Variants in TSR2 observed in about 807,000 individuals in gnomAD.
TSR2 encodes pre-rRNA-processing protein TSR2 homolog.
TSR2 carries 1 observed loss-of-function variant against 13.3 expected under a neutral mutation model. The ratio of observed to expected loss-of-function variants is 0.08; its 90% CI spans 0.03 to 0.36. The LOEUF is 0.36. TSR2 is among the 10% of genes least tolerant of loss of function. The pLI is 0.99. For missense variants in TSR2, 120 were observed against 151.1 expected (o/e 0.79, Z 1.08); for synonymous variants, 60 against 57.7 (o/e 1.04, Z -0.18).
In TSR2 at chrX:54,445,865, G is replaced by A. The variant is rs1250851336; in HGVS notation, c.*1315G>A. The stretch of plus-strand genomic sequence containing the variant: ...ACCTAATTCAGGTAGGACTGGCAAC[G>A]GCTCCCACCCTCCCTGGGGACAGGG... On this transcript the variant is annotated 3_prime_UTR_variant, in exon 5 of 5. Coordinates refer to ENST00000375151, the MANE Select transcript of TSR2 (RefSeq NM_058163.3). The A allele has an allele frequency of 7.9e-6, 3 of 380,784 alleles. No homozygotes were observed. The highest frequency in any genetic ancestry group is 5.3e-5 in the South Asian group (1 of 18,966). 31.4% of individuals were successfully genotyped at this position (380,784 alleles called of 1,213,427 possible).
chrX:54,447,332 C>T lies in TSR2; in HGVS notation c.*2782C>T, dbSNP rs779869140. On this transcript the variant is annotated 3_prime_UTR_variant, in exon 5 of 5. Transcript: ENST00000375151. ...ATACCTGAGGGGCTCCGTAGATATACAGCACCAAGGGTTCATTTTCAGGGA... is the reference window on the plus strand; with the variant it reads ...ATACCTGAGGGGCTCCGTAGATATATAGCACCAAGGGTTCATTTTCAGGGA... 1.6e-6 allele frequency: 2 copies of T among 1,212,160 alleles called. No individual in the cohort carries two copies. Among genetic ancestry groups the T allele is most frequent in the South Asian group, 1.8e-5 (1 of 56,994 alleles).
rs1433316113 is a variant in TSR2, at chrX:54,440,491, C to T, written c.70C>T (p.Pro24Ser). The T allele has an allele frequency of 8.8e-7, 1 of 1,138,990 alleles. No individual in the cohort carries two copies. The highest frequency in any genetic ancestry group is 3.2e-5 in the East Asian group (1 of 31,284). The allele number at this position is 1,138,990 out of a possible 1,213,427, so 93.9% of individuals were successfully genotyped here. Residue 24 changes from proline (P) to serine (S), a missense_variant, in exon 1 of 5, where the codon CCG (proline) becomes TCG (serine). By Grantham distance (74) the Pro-to-Ser change is moderately conservative. Coordinates refer to ENST00000375151, the MANE Select transcript of TSR2 (RefSeq NM_058163.3). ...GGTCTGCGCGGCCCTGGAGGCCTGG[C>T]CGGCCTTGCAGGTCAGTGGGGCCAG... ...AGVCAALEAW[P>S]ALQIAVENGF...
At chrX:54,440,581 G>T in intron 1 of TSR2, 79 bp downstream of exon 1, 1 of 1,121,186 alleles carries the variant, frequency 8.9e-7, no homozygotes, top group Non-Finnish European at 1.2e-6. Flanking sequence ...AGGTGCCTGA[G>T]GCTTGGCTAG....
Position 54,445,971 on chromosome X carries a change from G to A in TSR2, c.*1421G>A. Reference sequence around the variant, plus strand: ...TGAAAAGATGAATTAAAAAACCCAAGACCCAGCATTCGGGATTGAAAGTGC... The same window carrying A: ...TGAAAAGATGAATTAAAAAACCCAAAACCCAGCATTCGGGATTGAAAGTGC... On this transcript the variant is annotated 3_prime_UTR_variant, in exon 5 of 5. Transcript: ENST00000375151. The A allele has an allele frequency of 2.1e-6, 1 of 470,109 alleles. No individual in the cohort carries two copies. Among genetic ancestry groups the A allele is most frequent in the Non-Finnish European group, 3.6e-6 (1 of 275,273 alleles). 38.7% of individuals were successfully genotyped at this position (470,109 alleles called of 1,213,427 possible).
chrX:54,444,271 G>A, intron 4 of TSR2, 87 bp downstream of exon 4: 4 of 1,167,937 alleles, frequency 3.4e-6, no homozygotes, highest in Non-Finnish European at 4.6e-6. Flanking sequence ...GTGATAAGGG[G>A]ATGGTGGTGG....
At chrX:54,444,363 C>T in intron 4 of TSR2, 53 bp from the exon 5 acceptor site, 5 of 1,167,185 alleles carry the variant, frequency 4.3e-6, no homozygotes, top group Non-Finnish European at 4.6e-6. Context: ...TGGAGCAGAG[C>T]CTGGGTCTCC....
intron 4 of TSR2, 51 bp downstream of exon 4, chrX:54,444,235 G>C: frequency 8.4e-7 from 1 of 1,184,490 alleles, no homozygotes; most frequent in Non-Finnish European, 1.1e-6. Context: ...TCAATTTTCT[G>C]GAAGAGCAGC....
chrX:54,444,377 G>C, intron 4 of TSR2, 39 bp from the exon 5 acceptor site: 1 of 1,182,866 alleles, frequency 8.5e-7, no homozygotes, highest in Non-Finnish European at 1.1e-6. Context: ...GGTCTCCAGT[G>C]GTCAGTGTAT....
chrX:54,444,197 C>T lies in TSR2; in HGVS notation c.441+13C>T. 4.2e-6 allele frequency: 5 copies of T among 1,198,168 alleles called. No homozygotes were observed. Among genetic ancestry groups the T allele is most frequent in the Non-Finnish European group, 5.6e-6 (5 of 886,902 alleles). ...GGAAGAGATGGAGGTGAAGTGGGTG[C>T]CCCCTGGGTTGGGGGATACAGATGT... On this transcript the variant is annotated intron_variant, in intron 4 of 4. Transcript: ENST00000375151.
chrX:54,444,228 A>G, intron 4 of TSR2, 44 bp downstream of exon 4: 1 of 1,185,836 alleles, frequency 8.4e-7, no homozygotes, highest in Non-Finnish European at 1.1e-6. Context: ...GATGTTTTCA[A>G]TTTTCTGGAA....
Position 54,446,545 on chromosome X carries a change from C to T in TSR2, c.*1995C>T. ...GGAACTCCCCTACTCAGGAACCTTC[C>T]GTGGCTCCAGTGTTATCAACAGGAA... On this transcript the variant is annotated 3_prime_UTR_variant, in exon 5 of 5. Coordinates refer to ENST00000375151, the MANE Select transcript of TSR2 (RefSeq NM_058163.3). 5 of 579,760 alleles carry T rather than the reference C, an allele frequency of 8.6e-6. No individual in the cohort carries two copies. The highest frequency in any genetic ancestry group is 5.3e-4 in the Middle Eastern group (1 of 1,902). 47.8% of individuals were successfully genotyped at this position (579,760 alleles called of 1,213,427 possible).
Position 54,443,395 on chromosome X carries a change from C to T in TSR2, c.173-5C>T, listed in dbSNP as rs1346225826. 8.3e-7 allele frequency: 1 copy of T among 1,200,799 alleles called. No homozygotes were observed. Among genetic ancestry groups the T allele is most frequent in the African/African-American group, 1.8e-5 (1 of 56,803 alleles). On this transcript the variant is annotated splice_region_variant and splice_polypyrimidine_tract_variant and intron_variant, in intron 2 of 4. Transcript: ENST00000375151. ...GACCCAAGGGCCCTGTCCTTTTCTA[C>T]TTAGCTGACTTGGAGCTAGATGAGG...
rs922053056 is a variant in TSR2 at position 54,445,234 on chromosome X, T to G, written c.*684T>G. 9.1e-6 allele frequency: 1 copy of G among 110,496 alleles called. No individual in the cohort carries two copies. The highest frequency in any genetic ancestry group is 3.3e-5 in the African/African-American group (1 of 30,370). 9.1% of individuals were successfully genotyped at this position (110,496 alleles called of 1,213,427 possible). ...CTCTAACCTCTTTCCTTACTCCTTA[T>G]CCCATCCCATTTGAGTTCAGGGGTG... On this transcript the variant is annotated 3_prime_UTR_variant, in exon 5 of 5. Transcript: ENST00000375151.
intron 2 of TSR2, among the ~76,000 whole-genome samples, chrX:54,442,867 T>C (rs749689699): frequency 8.9e-6 from 1 of 112,599 alleles, no homozygotes; most frequent in South Asian, 3.7e-4. Context: ...TTTTGCATGA[T>C]AGAAATTAAC....
At chrX:54,442,687 G>A (rs1921979197) in intron 2 of TSR2, among the ~76,000 whole-genome samples, 1 of 111,702 alleles carries the variant, frequency 9.0e-6, no homozygotes, top group Admixed American at 9.5e-5. Context: ...AGCCCAGAGA[G>A]GAAGGTGGCT....
rs1230271815 is a variant in TSR2, at chrX:54,447,324, T to G, written c.*2774T>G. The G allele has an allele frequency of 8.3e-7, 1 of 1,210,581 alleles. No homozygotes were observed. Among genetic ancestry groups the G allele is most frequent in the Admixed American group, 2.2e-5 (1 of 45,830 alleles). ...TAGGATGCATACCTGAGGGGCTCCG[T>G]AGATATACAGCACCAAGGGTTCATT... On this transcript the variant is annotated 3_prime_UTR_variant, in exon 5 of 5. Transcript: ENST00000375151.
Position 54,443,460 on chromosome X carries a change from A to G in TSR2, c.233A>G (p.Asp78Gly). 8.3e-7 allele frequency: 1 copy of G among 1,207,107 alleles called. No homozygotes were observed. The highest frequency in any genetic ancestry group is 1.1e-6 in the Non-Finnish European group (1 of 893,510). ...FLGELLTNEF[D>G]TVVEDGSLPQ... ...GGAGAGCTGTTGACCAACGAGTTTG[A>G]TACAGTTGTGGAAGACGGGAGTCTG... Residue 78 changes from aspartate (D) to glycine (G), a missense_variant, in exon 3 of 5, where the codon GAT becomes GGT. Physicochemically the swap from Asp to Gly is moderately conservative, Grantham distance 94. Around this residue, in one of 3 missense-constraint regions of TSR2, gnomAD observed 12 missense variants for 37.5 expected, o/e 0.32. Coordinates refer to ENST00000375151, the MANE Select transcript of TSR2 (RefSeq NM_058163.3).
At chrX:54,441,742 G>A (rs1035879800) in intron 2 of TSR2, among the ~76,000 whole-genome samples, 12 of 111,172 alleles carry the variant, frequency 1.1e-4, no homozygotes, top group African/African-American at 3.0e-4. Context: ...TGCGTGGGGG[G>A]TGGAGGAGTG....
In TSR2 at chrX:54,447,291, C is replaced by G. The variant is rs761017111; in HGVS notation, c.*2741C>G. On this transcript the variant is annotated 3_prime_UTR_variant, in exon 5 of 5. Coordinates refer to ENST00000375151, the MANE Select transcript of TSR2 (RefSeq NM_058163.3). Reference sequence around the variant, plus strand: ...GCTTTGCCAGGTGGCTGAAAGGACCCGAAGGAGTAGGATGCATACCTGAGG... The same window carrying G: ...GCTTTGCCAGGTGGCTGAAAGGACCGGAAGGAGTAGGATGCATACCTGAGG... The G allele has an allele frequency of 4.1e-6, 5 of 1,209,586 alleles. No homozygotes were observed. The highest frequency in any genetic ancestry group is 3.5e-5 in the African/African-American group (2 of 57,396).
Sources: allele counts gnomAD v4.1 joint callset (sites outside exome capture counted in the v4.1 genomes callset), GRCh38; gene constraint gnomAD v4.1.1; regional missense constraint gnomAD v4.1.1; transcripts MANE v1.5; gene names NCBI Gene and HGNC (gene_info 2026-07-23, HGNC 2026-07-21).